The following LRP1B variants were observed in gnomAD, a reference collection of about 807,000 sequenced individuals.
LRP1B encodes the protein LDL receptor related protein 1B.
In LRP1B, 217 loss-of-function variants were observed where a neutral mutation model predicts 556.6. The ratio of observed to expected loss-of-function variants is 0.39; its 90% confidence interval spans 0.35 to 0.44. The LOEUF is 0.44. Ranked by LOEUF, LRP1B falls within the 20% of genes least tolerant of loss-of-function variation. The pLI is 1.00. For synonymous variants in LRP1B, 2,047 were observed against 1,865.8 expected (o/e 1.10, Z -2.50); for missense variants, 5,053 against 5,620.8 (o/e 0.90, Z 3.23).
intron 37 of LRP1B, among the ~76,000 whole-genome samples, chr2:140,710,749 G>A (rs1375793298): frequency 2.6e-5 from 4 of 151,938 alleles, no homozygotes; most frequent in African/African-American, 9.7e-5. Context: ...AACTGTCCTG[G>A]AGAAGGCAAA....
intron 3 of LRP1B, among the ~76,000 whole-genome samples, chr2:141,450,413 A>C (rs1681373438): frequency 6.6e-6 from 1 of 152,172 alleles, no homozygotes; most frequent in Admixed American, 6.5e-5. Flanking sequence ...AGATTATAAT[A>C]GTTTGGTATA....
At chr2:141,741,263 C>CTT (rs11326947) in intron 2 of LRP1B, among the ~76,000 whole-genome samples, 1,413 of 57,966 alleles carry the variant, frequency 0.024, 235 homozygotes, top group African/African-American at 0.099. Flanking sequence ...TACTGATTTC[C>CTT]TTTTTTTTTT....
intron 59 of LRP1B, among the ~76,000 whole-genome samples, chr2:140,476,132 CA>C (rs1345825805): frequency 4.6e-5 from 7 of 151,992 alleles, no homozygotes; most frequent in Non-Finnish European, 1.0e-4. Flanking sequence ...GTATAAGCGG[CA>C]GATTACTTAG....
At chr2:141,695,211 A>G (rs1039396980) in intron 2 of LRP1B, among the ~76,000 whole-genome samples, 4 of 151,906 alleles carry the variant, frequency 2.6e-5, no homozygotes, top group Non-Finnish European at 5.9e-5. Flanking sequence ...TTTAAATTCA[A>G]TCCTGTCACT....
At chr2:141,287,783 T>C (rs1329500385) in intron 3 of LRP1B, among the ~76,000 whole-genome samples, 1 of 152,190 alleles carries the variant, frequency 6.6e-6, no homozygotes, top group South Asian at 2.1e-4. Context: ...ATAATTTATA[T>C]GTGTGATTGT....
rs572987248 is a variant in LRP1B at position 140,771,843 on chromosome 2, T to C, written c.5501-837A>G. On this transcript the variant is annotated intron_variant, in intron 33 of 90. Transcript: ENST00000389484. ...GATGTTCAAGCACTGATATGAAGTG[T>C]AACAAATCCAGTGAGAATTACAAAG... Among the ~76,000 whole-genome samples the C allele has an allele frequency of 3.9e-5, 6 of 152,348 alleles. 1 individual carries two copies. The South Asian group carries it at 1.2e-3, about 32-fold the overall frequency.
At chr2:141,341,930 G>A (rs4536594) in intron 3 of LRP1B, among the ~76,000 whole-genome samples, 2 of 151,748 alleles carry the variant, frequency 1.3e-5, no homozygotes, top group African/African-American at 4.8e-5. Context: ...TAATCAAAAT[G>A]TTAAGGTCAT....
At chr2:140,941,827 G>A (rs1695412061) in intron 20 of LRP1B, among the ~76,000 whole-genome samples, 1 of 152,136 alleles carries the variant, frequency 6.6e-6, no homozygotes, top group Non-Finnish European at 1.5e-5. Context: ...AGAAAAAGAA[G>A]CACCAGCTCC....
At chr2:142,002,061 G>A (rs1475581699) in intron 1 of LRP1B, among the ~76,000 whole-genome samples, 1 of 152,080 alleles carries the variant, frequency 6.6e-6, no homozygotes, top group African/African-American at 2.4e-5. Flanking sequence ...CCAAAAGGAT[G>A]GCCTCCAGTT....
chr2:141,769,537 A>G (rs1389441324), intron 2 of LRP1B, among the ~76,000 whole-genome samples: 1 of 152,164 alleles, frequency 6.6e-6, no homozygotes, highest in East Asian at 1.9e-4. Context: ...GCAATAGGGA[A>G]CTTGGCACAT....
intron 7 of LRP1B, among the ~76,000 whole-genome samples, chr2:141,095,215 C>A (rs2104920910): frequency 6.6e-6 from 1 of 151,316 alleles, no homozygotes. Flanking sequence ...ATTACCCAGT[C>A]CCAGGTTATC....
At chr2:141,426,734 T>C (rs1167403990) in intron 3 of LRP1B, among the ~76,000 whole-genome samples, 2 of 152,172 alleles carry the variant, frequency 1.3e-5, no homozygotes, top group African/African-American at 4.8e-5. Flanking sequence ...TTTATTTAGG[T>C]AGTTAATTAT....
At chr2:141,044,548 T>C (rs1209965065) in intron 11 of LRP1B, among the ~76,000 whole-genome samples, 2 of 149,346 alleles carry the variant, frequency 1.3e-5, no homozygotes, top group Non-Finnish European at 3.0e-5. Flanking sequence ...ATCCAGAATC[T>C]ACAATGAACT....
intron 1 of LRP1B, among the ~76,000 whole-genome samples, chr2:141,887,868 A>T (rs1159962297): frequency 6.6e-6 from 1 of 152,216 alleles, no homozygotes; most frequent in Non-Finnish European, 1.5e-5. Flanking sequence ...CTACTTTCTC[A>T]AACAGAACAA....
At position 140,406,042 on chromosome 2, in the gene LRP1B, C is replaced by A. The variant is rs1573900498; in HGVS notation, c.10415-20033G>T. Among the ~76,000 whole-genome samples the A allele has an allele frequency of 3.3e-5, 5 of 152,168 alleles. No homozygotes were observed. In the East Asian group the frequency reaches 9.6e-4, roughly 29 times the overall value. ...GGATGCAGCAATGATTTAACATATG[C>A]AAATCCGTTAATGTGATACTTCACA... On this transcript the variant is annotated intron_variant, in intron 66 of 90. Coordinates refer to ENST00000389484, the MANE Select transcript of LRP1B (RefSeq NM_018557.3).
chr2:140,377,158 T>A (rs536908020), intron 68 of LRP1B, among the ~76,000 whole-genome samples: 1 of 152,166 alleles, frequency 6.6e-6, no homozygotes, highest in South Asian at 2.1e-4. Flanking sequence ...TCACTGCAAT[T>A]TCTGGCTCCC....
At chr2:141,729,093 G>A (rs1693164282) in intron 2 of LRP1B, among the ~76,000 whole-genome samples, 1 of 152,108 alleles carries the variant, frequency 6.6e-6, no homozygotes, top group Non-Finnish European at 1.5e-5. Context: ...TTCTTTGTGG[G>A]CTTCAGGCAG....
chr2:141,593,308 C>T (rs1050717273), intron 2 of LRP1B, among the ~76,000 whole-genome samples: 1 of 152,086 alleles, frequency 6.6e-6, no homozygotes, highest in Non-Finnish European at 1.5e-5. Context: ...CTCAAAAGTA[C>T]CCCCTCGACA....
intron 32 of LRP1B, among the ~76,000 whole-genome samples, chr2:140,806,944 A>T (rs1469387631): frequency 1.3e-5 from 2 of 152,200 alleles, no homozygotes; most frequent in Admixed American, 6.5e-5. Context: ...TTCAGTGTAA[A>T]TACAATATAT....
Sources: gnomAD v4.1 joint callset for allele counts (sites outside exome capture counted in the v4.1 genomes callset) on GRCh38, gnomAD v4.1.1 for gene constraint, MANE v1.5 for transcripts, NCBI Gene and HGNC (gene_info 2026-07-23, HGNC 2026-07-21) for gene names.